Variants in PTPN4 observed in about 807,000 individuals in gnomAD.
PTPN4 encodes the protein tyrosine-protein phosphatase non-receptor type 4.
PTPN4 carries 49 observed loss-of-function variants against 135.5 expected under a neutral mutation model. The observed-to-expected ratio is 0.36, with a 90% CI of 0.29 to 0.46. PTPN4 has a LOEUF of 0.46. PTPN4 is among the 20% of genes least tolerant of loss of function. The pLI is 1.00. For missense variants in PTPN4, 860 were observed against 1,101.0 expected, an observed-to-expected ratio of 0.78 and a Z score of 3.10; for synonymous variants, 333 against 369.9, an observed-to-expected ratio of 0.90 and a Z score of 1.14.
Position 119,900,803 on chromosome 2 carries a change from C to A in PTPN4, c.761C>A (p.Pro254Gln). ...AACAGGGTACGAATGAATACCTTTC[C>A]ATGGTAAGAACATCTATTGATACTT... ...YKNRVRMNTFPWLKIVKISFK... is the reference protein window; with the variant it reads ...YKNRVRMNTFQWLKIVKISFK... The change falls in exon 10 of 27, where the codon CCA becomes CAA. Residue 254 changes from proline (P) to glutamine (Q), a missense_variant. Coordinates refer to ENST00000263708, the MANE Select transcript of PTPN4 (RefSeq NM_002830.4). 1 of 1,529,776 alleles carries A rather than the reference C, an allele frequency of 6.5e-7. No individual in the cohort carries two copies. Among genetic ancestry groups the A allele is most frequent in the Non-Finnish European group, 8.9e-7 (1 of 1,122,164 alleles). The allele number at this position is 1,529,776 out of a possible 1,614,324, so 94.8% of individuals were successfully genotyped here. A position where few individuals can be genotyped will look rare whatever the true frequency, so the allele number is the denominator to read the frequency against.
chr2:119,967,435 A>C (rs762421285), intron 25 of PTPN4, among the ~76,000 whole-genome samples: 1 of 151,538 alleles, frequency 6.6e-6, no homozygotes, highest in Non-Finnish European at 1.5e-5. Context: ...GGCGTGAGCG[A>C]GATTCCGTCT....
At chr2:119,928,311 T>G (rs1326271634) in intron 13 of PTPN4, among the ~76,000 whole-genome samples, 2 of 152,128 alleles carry the variant, frequency 1.3e-5, no homozygotes, top group African/African-American at 4.8e-5. Context: ...GTAGGAGTTG[T>G]TGCTAAGACT....
At chr2:119,890,520 T>C (rs1383965342) in intron 9 of PTPN4, among the ~76,000 whole-genome samples, 1 of 152,170 alleles carries the variant, frequency 6.6e-6, no homozygotes, top group Non-Finnish European at 1.5e-5. Context: ...TTCAAAGTTA[T>C]TGGTATGTGA....
chr2:119,959,684 C>T (rs192663621), intron 22 of PTPN4, among the ~76,000 whole-genome samples: 14 of 152,312 alleles, frequency 9.2e-5, no homozygotes, highest in African/African-American at 3.1e-4. Flanking sequence ...TAAGTAGCAT[C>T]GCTGGCAGGC....
At chr2:119,956,719 T>C (rs1679292797) in intron 20 of PTPN4, 125 bp from the exon 21 acceptor site, 1 of 1,483,350 alleles carries the variant, frequency 6.7e-7, no homozygotes. Context: ...GGTATATCAT[T>C]GTATAGATGA....
At chr2:119,795,235 T>A (rs1691231300) in intron 1 of PTPN4, among the ~76,000 whole-genome samples, 1 of 152,130 alleles carries the variant, frequency 6.6e-6, no homozygotes, top group African/African-American at 2.4e-5. Context: ...CACCACAAGT[T>A]CCCACTCTGG....
In PTPN4 at chr2:119,920,115, G is replaced by T; in HGVS notation, c.875G>T (p.Arg292Ile). ...TLLGFNMVNY[R>I]ACKNLWKACV... is the part of the protein sequence containing the mutation. The stretch of plus-strand genomic sequence containing the variant: ...TTGGGATTTAATATGGTGAATTACA[G>T]AGCATGTAAAAATTTGTGGAAAGCA... The change falls in exon 12 of 27, where the codon AGA (arginine) becomes ATA (isoleucine). Residue 292 changes from arginine (R) to isoleucine (I), a missense_variant. This residue lies in a region of PTPN4 where 684 missense variants were observed against 807.0 expected (regional missense o/e 0.85). Transcript: ENST00000263708. The T allele has an allele frequency of 6.2e-7, 1 of 1,612,908 alleles. No homozygotes were observed. The highest frequency in any genetic ancestry group is 8.5e-7 in the Non-Finnish European group (1 of 1,179,566).
intron 16 of PTPN4, among the ~76,000 whole-genome samples, chr2:119,945,945 T>C (rs1170434217): frequency 1.3e-5 from 2 of 152,116 alleles, no homozygotes; most frequent in East Asian, 3.8e-4. Flanking sequence ...AATAAAGCTG[T>C]TTTTTAAAAT....
chr2:119,937,410 G>T (rs1408424792), intron 15 of PTPN4, among the ~76,000 whole-genome samples: 1 of 152,038 alleles, frequency 6.6e-6, no homozygotes, highest in Non-Finnish European at 1.5e-5. Context: ...AGTACAGGAG[G>T]TTGCTTATAC....
intron 2 of PTPN4, among the ~76,000 whole-genome samples, chr2:119,816,509 A>G (rs1012596880): frequency 6.6e-6 from 1 of 152,204 alleles, no homozygotes; most frequent in African/African-American, 2.4e-5. Context: ...GTGTGGGGCA[A>G]TGGTTTCAGG....
intron 2 of PTPN4, among the ~76,000 whole-genome samples, chr2:119,840,603 C>T (rs908938903): frequency 1.1e-4 from 17 of 152,150 alleles, no homozygotes; most frequent in Non-Finnish European, 2.5e-4. Context: ...GGTATGTACC[C>T]AGTAATGGGA....
intron 1 of PTPN4, among the ~76,000 whole-genome samples, chr2:119,765,327 T>G (rs907769987): frequency 1.3e-5 from 2 of 152,226 alleles, no homozygotes; most frequent in African/African-American, 4.8e-5. Flanking sequence ...ATACCATAAC[T>G]GATTTAGACA....
At chr2:119,956,987 A>G (rs1267920065) in intron 21 of PTPN4, 29 bp from the exon 22 acceptor site, 1 of 1,605,668 alleles carries the variant, frequency 6.2e-7, no homozygotes. Flanking sequence ...TAACTTTACT[A>G]AAACATTATT....
At position 119,983,065 on chromosome 2, in the gene PTPN4, A is replaced by G. The variant is rs1040309313; in HGVS notation, c.*5995A>G. The stretch of plus-strand genomic sequence containing the variant: ...TTTTATTTCTCTTTCCACGTCTCCA[A>G]CTTTTTAAAAATCACTAATTTAACT... On this transcript the variant is annotated 3_prime_UTR_variant, in exon 27 of 27. Coordinates refer to ENST00000263708, the MANE Select transcript of PTPN4 (RefSeq NM_002830.4). The G allele has an allele frequency of 1.3e-5, 2 of 152,156 alleles. No homozygotes were observed. Among genetic ancestry groups the G allele is most frequent in the East Asian group, 1.9e-4 (1 of 5,196 alleles). 9.4% of individuals were successfully genotyped at this position (152,156 alleles called of 1,614,324 possible). A position where few individuals can be genotyped will look rare whatever the true frequency, so the allele number is the denominator to read the frequency against.
chr2:119,961,589 C>G (rs1679367284), intron 23 of PTPN4, among the ~76,000 whole-genome samples: 1 of 152,104 alleles, frequency 6.6e-6, no homozygotes, highest in Admixed American at 6.5e-5. Context: ...TCTGTCCACA[C>G]AAAAATTTGT....
intron 2 of PTPN4, among the ~76,000 whole-genome samples, chr2:119,852,668 C>A (rs1558745299): frequency 6.6e-6 from 1 of 151,730 alleles, no homozygotes; most frequent in East Asian, 1.9e-4. Flanking sequence ...TTCCTGTATT[C>A]CCTAATTTTG....
chr2:119,967,408 C>G (rs1251036111), intron 25 of PTPN4, among the ~76,000 whole-genome samples: 1 of 151,746 alleles, frequency 6.6e-6, no homozygotes, highest in Non-Finnish European at 1.5e-5. Context: ...GAGATCGCAC[C>G]ACTGCACTCC....
intron 11 of PTPN4, chr2:119,915,528 A>G (rs772140232): frequency 4.9e-5 from 10 of 204,920 alleles, no homozygotes; most frequent in Non-Finnish European, 7.8e-5. Flanking sequence ...TCCATTTTTG[A>G]AGGGCAGCAA....
At chr2:119,899,490 A>G (rs1324817287) in intron 9 of PTPN4, among the ~76,000 whole-genome samples, 1 of 152,134 alleles carries the variant, frequency 6.6e-6, no homozygotes, top group Non-Finnish European at 1.5e-5. Context: ...TATATCTTTA[A>G]GGATTCCTCA....
Sources: allele counts gnomAD v4.1 joint callset (sites outside exome capture counted in the v4.1 genomes callset), GRCh38; gene constraint gnomAD v4.1.1; regional missense constraint gnomAD v4.1.1; transcripts MANE v1.5; gene names NCBI Gene and HGNC (gene_info 2026-07-23, HGNC 2026-07-21).